The following CLCN7 variants were observed in gnomAD, a reference collection of about 807,000 sequenced individuals.
The protein encoded by CLCN7 is H(+)/Cl(-) exchange transporter 7.
Under a neutral mutation model 102.1 loss-of-function variants are expected in CLCN7, and 60 were observed. The observed-to-expected ratio is 0.59, with a 90% CI of 0.48 to 0.73. The LOEUF is 0.73. Among genes scored for constraint, CLCN7 ranks in the 30% least tolerant of loss-of-function variants. The pLI is 0.00. For missense variants in CLCN7, 962 were observed against 1,125.7 expected, an observed-to-expected ratio of 0.85 and a Z score of 2.08; for synonymous variants, 560 against 490.5, an observed-to-expected ratio of 1.14 and a Z score of -1.87.
At chr16:1,460,969 G>A (rs202067233) in intron 4 of CLCN7, 21 bp from the exon 5 acceptor site, 362 of 1,610,918 alleles carry the variant, frequency 2.2e-4, no homozygotes, top group Middle Eastern at 1.2e-3. Flanking sequence ...CGGTCAGGGC[G>A]AGGGTCAGGC....
chr16:1,470,770 G>A (rs771515538), intron 1 of CLCN7, among the ~76,000 whole-genome samples: 6 of 152,142 alleles, frequency 3.9e-5, no homozygotes, highest in South Asian at 2.1e-4. Context: ...GCCTTGCTGC[G>A]CCCACAGTTC....
rs558878338 is a variant in CLCN7, at chr16:1,460,145, A to G, written c.594+273T>C. 8.3e-4 allele frequency among the ~76,000 whole-genome samples: 126 copies of G among 151,476 alleles called. 1 individual carries two copies. Among genetic ancestry groups the G allele is most frequent in the African/African-American group, 2.9e-3 (118 of 41,184 alleles). On this transcript the variant is annotated intron_variant, in intron 6 of 24. Transcript: ENST00000382745. The stretch of plus-strand genomic sequence containing the variant: ...TGGAGATGGAAGGAGGGGAGGGCAG[A>G]GTGAGGAGATGGAAGGAGGGGCGGA...
rs2038790873 is a variant in CLCN7 at position 1,453,781 on chromosome 16, G to T, written c.1214+53C>A. The stretch of plus-strand genomic sequence containing the variant: ...CCATTCCACCACGTCCGCTTTCAAA[G>T]GGCCTGTGTGGCCACGCCTGCCAAC... On this transcript the variant is annotated intron_variant, in intron 14 of 24. Coordinates refer to ENST00000382745, the MANE Select transcript of CLCN7 (RefSeq NM_001287.6). 36 of 1,545,496 alleles carry T rather than the reference G, an allele frequency of 2.3e-5. No individual in the cohort carries two copies. In the South Asian group the frequency reaches 3.7e-4, roughly 16 times the overall value.
At chr16:1,450,372 A>G in intron 17 of CLCN7, 125 bp downstream of exon 17, 1 of 1,024,878 alleles carries the variant, frequency 9.8e-7, no homozygotes. Flanking sequence ...GACAACGCCC[A>G]CGGCCCGTGA....
intron 21 of CLCN7, 185 bp downstream of exon 21, chr16:1,448,167 GCCC>G (rs537451642): frequency 5.0e-6 from 4 of 800,780 alleles, no homozygotes; most frequent in African/African-American, 1.7e-5. Context: ...CCAGGCCGCA[GCCC>G]CCCCCACCAG....
rs776294361 is a variant in CLCN7 at position 1,461,376 on chromosome 16, G to A, written c.351+29C>T. 12 of 1,544,312 alleles carry A rather than the reference G, an allele frequency of 7.8e-6. No individual in the cohort carries two copies. In the African/African-American group the frequency reaches 9.6e-5, roughly 12 times the overall value. On this transcript the variant is annotated intron_variant, in intron 4 of 24. Transcript: ENST00000382745. ...GCCGGCACCAGGCCCCGCACCGTGG[G>A]GCCCTGCAGGGAGCGGCGTCCAGCT...
chr16:1,461,707 G>A (rs1313927803), intron 2 of CLCN7, 33 bp from the exon 3 acceptor site: 7 of 1,585,474 alleles, frequency 4.4e-6, no homozygotes, highest in Admixed American at 1.7e-5. Flanking sequence ...GAGAAGCACA[G>A]TTGACAAGGC....
chr16:1,457,367 A>G lies in CLCN7; in HGVS notation c.739-30T>C. 2 of 1,594,104 alleles carry G rather than the reference A, an allele frequency of 1.3e-6. No individual in the cohort carries two copies. The highest frequency in any genetic ancestry group is 1.7e-6 in the Non-Finnish European group (2 of 1,163,372). On this transcript the variant is annotated intron_variant, in intron 8 of 24. Transcript: ENST00000382745. The surrounding 1 kb of genome is among the most constrained non-coding windows in gnomAD (Gnocchi z 5.4). ...AGACCAGAAGGACCGGTGCTCAGAG[A>G]CACGCGTGACGCGGCCCTTCCTGGA...
chr16:1,452,603 G>T, intron 15 of CLCN7, 152 bp downstream of exon 15: 1 of 793,424 alleles, frequency 1.3e-6, no homozygotes, highest in Non-Finnish European at 2.0e-6. Context: ...GATCTGGGTG[G>T]ACAGGACTAA....
Position 1,449,269 on chromosome 16 carries a change from G to A in CLCN7, c.1669+7C>T, listed in dbSNP as rs2142368924. On this transcript the variant is annotated splice_region_variant and intron_variant, in intron 18 of 24. Transcript: ENST00000382745. ...TCCCCACCCATCGGGCAAGAGCTGG[G>A]ACATACCCAGCTGGGCAGCAGCTCC... The A allele has an allele frequency of 1.3e-6, 2 of 1,582,682 alleles. No homozygotes were observed. Among genetic ancestry groups the A allele is most frequent in the Non-Finnish European group, 1.7e-6 (2 of 1,164,906 alleles).
At position 1,474,975 on chromosome 16, in the gene CLCN7, G is replaced by T; in HGVS notation, c.-1C>A. 1.4e-6 allele frequency: 2 copies of T among 1,479,896 alleles called. No individual in the cohort carries two copies. Among genetic ancestry groups the T allele is most frequent in the East Asian group, 2.9e-5 (1 of 34,460 alleles). 91.7% of individuals were successfully genotyped at this position (1,479,896 alleles called of 1,614,324 possible). ...ACACCTTCTTAGAGACGTTGGCCAT[G>T]GCCCGCCGCGGAGCGACACCGGCCG... On this transcript the variant is annotated 5_prime_UTR_variant, in exon 1 of 25. Transcript: ENST00000382745.
At chr16:1,461,811 G>A (rs937497113) in intron 2 of CLCN7, 137 bp from the exon 3 acceptor site, 6 of 779,684 alleles carry the variant, frequency 7.7e-6, no homozygotes, top group Admixed American at 2.0e-5. Context: ...CACATGGGGC[G>A]CGGTGGCTGA....
chr16:1,457,518 C>A lies in CLCN7; in HGVS notation c.738+176G>T. The A allele has an allele frequency of 1.5e-6, 1 of 645,924 alleles. No homozygotes were observed. Among genetic ancestry groups the A allele is most frequent in the Non-Finnish European group, 2.8e-6 (1 of 351,632 alleles). The allele number at this position is 645,924 out of a possible 1,614,324, so 40.0% of individuals were successfully genotyped here. On this transcript the variant is annotated intron_variant, in intron 8 of 24. Transcript: ENST00000382745. The surrounding 1 kb of genome is among the most constrained non-coding windows in gnomAD (Gnocchi z 5.4). Reference sequence around the variant, plus strand: ...GACCAGAAGGACCGGTGCTCAGAGACACGCGTGACGCGGCCCTTCCTGGAG... The same window carrying A: ...GACCAGAAGGACCGGTGCTCAGAGAAACGCGTGACGCGGCCCTTCCTGGAG...
Position 1,449,462 on chromosome 16 carries a change from C to CA in CLCN7, c.1618-136dup. On this transcript the variant is annotated intron_variant, in intron 17 of 24. Transcript: ENST00000382745. ...CAAACCTCGTGGCCGCGTACATACA[C>CA]ACAGAACAACCTAGCACAGTACACC... is the stretch of plus-strand genomic sequence containing the variant. The CA allele has an allele frequency of 3.8e-6, 3 of 779,242 alleles. No homozygotes were observed. In the East Asian group the frequency reaches 8.0e-5, roughly 21 times the overall value. The allele number at this position is 779,242 out of a possible 1,614,324, so 48.3% of individuals were successfully genotyped here.
chr16:1,445,301 G>A lies in CLCN7; in HGVS notation c.*1330C>T, dbSNP rs2038617678. 1 of 152,292 alleles carries A rather than the reference G, an allele frequency of 6.6e-6. No individual in the cohort carries two copies. The highest frequency in any genetic ancestry group is 2.4e-5 in the African/African-American group (1 of 41,476). The allele number at this position is 152,292 out of a possible 1,614,324, so 9.4% of individuals were successfully genotyped here. A position where few individuals can be genotyped will look rare whatever the true frequency, so the allele number is the denominator to read the frequency against. On this transcript the variant is annotated 3_prime_UTR_variant, in exon 25 of 25. Transcript: ENST00000382745. ...CCGAAAGTCCCAGGCTGTTGGACGT[G>A]GTCTGGGTGGGGTGGGAGGGACGAC...
chr16:1,465,915 G>A (rs1223295595), intron 1 of CLCN7, among the ~76,000 whole-genome samples: 1 of 152,238 alleles, frequency 6.6e-6, no homozygotes, highest in Non-Finnish European at 1.5e-5. Context: ...GCGGGCCCTG[G>A]GTGGCGTGGT....
At position 1,457,884 on chromosome 16, in the gene CLCN7, C is replaced by T. The variant is rs950136862; in HGVS notation, c.676-128G>A. ...GGGACACGGGGCCTCCGGGAGGGGGCCAGCACCCCCAGGCTGGGTCTCCCC... is the reference window on the plus strand; with the variant it reads ...GGGACACGGGGCCTCCGGGAGGGGGTCAGCACCCCCAGGCTGGGTCTCCCC... On this transcript the variant is annotated intron_variant, in intron 7 of 24. Transcript: ENST00000382745. The surrounding 1 kb of genome is among the most constrained non-coding windows in gnomAD (Gnocchi z 5.4). 3.8e-5 allele frequency: 33 copies of T among 873,174 alleles called. No homozygotes were observed. The highest frequency in any genetic ancestry group is 5.9e-5 in the Admixed American group (3 of 50,808). 54.1% of individuals were successfully genotyped at this position (873,174 alleles called of 1,614,324 possible). A position where few individuals can be genotyped will look rare whatever the true frequency, so the allele number is the denominator to read the frequency against.
In CLCN7 at chr16:1,448,953, G is replaced by C; in HGVS notation, c.1797+13C>G. ...CCACGCTCTCAGGGTGAGGCTTCGA[G>C]GCCCTGGCGCACCTCAATGAAGACG... is the stretch of plus-strand genomic sequence containing the variant. On this transcript the variant is annotated intron_variant, in intron 19 of 24. Transcript: ENST00000382745. The C allele has an allele frequency of 6.2e-7, 1 of 1,612,114 alleles. No homozygotes were observed. The highest frequency in any genetic ancestry group is 8.5e-7 in the Non-Finnish European group (1 of 1,179,978).
At position 1,470,780 on chromosome 16, in the gene CLCN7, CT is replaced by C. The variant is rs1038643168; in HGVS notation, c.141+4053del. On this transcript the variant is annotated intron_variant, in intron 1 of 24. Transcript: ENST00000382745. ...CCGCAGCCTTGCTGCGCCCACAGTT[CT>C]TTCTCAGGCTGCGGTCTGTGGCTCC... Among the ~76,000 whole-genome samples, 9 of 152,312 alleles carry C rather than the reference CT, an allele frequency of 5.9e-5. No homozygotes were observed. In the East Asian group the frequency reaches 1.4e-3, roughly 23 times the overall value.
Sources: gnomAD v4.1 joint callset for allele counts (sites outside exome capture counted in the v4.1 genomes callset) on GRCh38, gnomAD v4.1.1 for gene constraint, Gnocchi (gnomAD v3.1) non-coding constraint, MANE v1.5 for transcripts, NCBI Gene and HGNC (gene_info 2026-07-23, HGNC 2026-07-21) for gene names.